WDR97: variants seen among roughly 807,000 people sequenced by gnomAD.
WDR97 encodes WD repeat domain 97.
WDR97 carries 111 observed loss-of-function variants against 65.4 expected under a neutral mutation model. The ratio of observed to expected loss-of-function variants is 1.70; its 90% CI spans 1.45 to 1.99. WDR97 has a LOEUF of 1.99. WDR97 is among the 30% of genes most tolerant of loss of function. The probability of loss-of-function intolerance (pLI) is 0.00; values close to 1 mark genes in which losing one functional copy is unlikely to be tolerated. For synonymous variants in WDR97, 802 were observed against 397.7 expected (o/e 2.02, Z -12.10); for missense variants, 1,674 against 865.0 (o/e 1.94, Z -11.73).
rs565024310 is a variant in WDR97 at position 144,108,634 on chromosome 8, G to C, written c.568G>C (p.Gly190Arg). 1.0e-3 allele frequency: 732 copies of C among 700,482 alleles called. No homozygotes were observed. Among genetic ancestry groups the C allele is most frequent in the Admixed American group, 3.3e-3 (165 of 49,968 alleles). The allele number at this position is 700,482 out of a possible 1,614,324, so 43.4% of individuals were successfully genotyped here. A position where few individuals can be genotyped will look rare whatever the true frequency, so the allele number is the denominator to read the frequency against. ...CAGCCTGCTGTGGCTGAGCGAGCAG[G>C]GGGTGGGCAGGGCCCCGGGTTGGGC... The part of the protein sequence containing the change: ...NLSLLWLSEQ[G>R]VGRAPGWAPT... Residue 190 changes from glycine (G) to arginine (R), a missense_variant, in exon 3 of 24, where the codon GGG becomes CGG. Coordinates refer to ENST00000323662, the MANE Select transcript of WDR97 (RefSeq NM_001316309.2).
Position 144,114,487 on chromosome 8 carries a change from G to A in WDR97, c.3792+12G>A. ...CCCCCAGCCTCCAGGTGTGCCCCTTGTCCTGCCCCCAGTTTTCCTCCCCGC... is the reference window on the plus strand; with the variant it reads ...CCCCCAGCCTCCAGGTGTGCCCCTTATCCTGCCCCCAGTTTTCCTCCCCGC... On this transcript the variant is annotated intron_variant, in intron 19 of 23. Coordinates refer to ENST00000323662, the MANE Select transcript of WDR97 (RefSeq NM_001316309.2). 1.4e-6 allele frequency: 1 copy of A among 701,884 alleles called. No individual in the cohort carries two copies. Among genetic ancestry groups the A allele is most frequent in the Non-Finnish European group, 2.6e-6 (1 of 384,348 alleles). The allele number at this position is 701,884 out of a possible 1,614,324, so 43.5% of individuals were successfully genotyped here.
At chr8:144,110,079 C>G in intron 5 of WDR97, 35 bp from the exon 6 acceptor site, 1 of 698,798 alleles carries the variant, frequency 1.4e-6, no homozygotes, top group Non-Finnish European at 2.6e-6. Flanking sequence ...GAAGGAGCGG[C>G]AGGGTCCGCG....
In WDR97 at chr8:144,112,529, A is replaced by C; in HGVS notation, c.3104A>C (p.Lys1035Thr). The change falls in exon 15 of 24, where the codon AAG becomes ACG. Residue 1035 changes from lysine (K) to threonine (T), a missense_variant and splice_region_variant. Coordinates refer to ENST00000323662, the MANE Select transcript of WDR97 (RefSeq NM_001316309.2). Reference protein sequence around the residue: ...GFFPATVQPHKHCLRPICFPG... With the variant: ...GFFPATVQPHTHCLRPICFPG... ...TTTCCTGCCACCGTGCAGCCCCACA[A>C]GGTGAGACCCCCTCCCAGCTCCTGG... The C allele has an allele frequency of 1.4e-6, 1 of 702,574 alleles. No individual in the cohort carries two copies. Among genetic ancestry groups the C allele is most frequent in the Non-Finnish European group, 2.6e-6 (1 of 384,892 alleles). 43.5% of individuals were successfully genotyped at this position (702,574 alleles called of 1,614,324 possible). A position where few individuals can be genotyped will look rare whatever the true frequency, so the allele number is the denominator to read the frequency against.
At chr8:144,113,225 C>T in intron 15 of WDR97, 1 of 581,798 alleles carries the variant, frequency 1.7e-6, no homozygotes, top group Non-Finnish European at 3.0e-6. Context: ...TTTGTCAGAG[C>T]TGATGCTCAC....
At position 144,114,830 on chromosome 8, in the gene WDR97, C is replaced by T. The variant is rs1310506773; in HGVS notation, c.3996C>T (p.Val1332=). 1.4e-6 allele frequency: 1 copy of T among 702,752 alleles called. No individual in the cohort carries two copies. The highest frequency in any genetic ancestry group is 1.5e-5 in the South Asian group (1 of 67,584). 43.5% of individuals were successfully genotyped at this position (702,752 alleles called of 1,614,324 possible). Residue 1332 remains valine, a synonymous_variant, in exon 21 of 24, where the codon GTC becomes GTT. Coordinates refer to ENST00000323662, the MANE Select transcript of WDR97 (RefSeq NM_001316309.2). ...TATTCAAGGAGATGATGACCTGGGT[C>T]CAGGGCCCAGACCTGGACTCCAAGG... is the stretch of plus-strand genomic sequence containing the variant. ...GFLFKEMMTW[V]QGPDLDSKAG... is the part of the protein sequence containing the mutation.
At position 144,116,300 on chromosome 8, in the gene WDR97, T is replaced by A. The variant is rs1020653581; in HGVS notation, c.*7T>A. The A allele has an allele frequency of 1.7e-6, 1 of 604,314 alleles. No homozygotes were observed. The highest frequency in any genetic ancestry group is 1.9e-5 in the African/African-American group (1 of 53,064). 37.4% of individuals were successfully genotyped at this position (604,314 alleles called of 1,614,324 possible). On this transcript the variant is annotated 3_prime_UTR_variant, in exon 24 of 24. Coordinates refer to ENST00000323662, the MANE Select transcript of WDR97 (RefSeq NM_001316309.2). ...CCCTGACACCTACAGCTGACCGGAC[T>A]GGTGGCCTCAGCCCGCCTGGCTCTG...
chr8:144,111,425 G>A lies in WDR97; in HGVS notation c.2427-1G>A, dbSNP rs1239048282. The A allele has an allele frequency of 1.4e-6, 1 of 702,680 alleles. No individual in the cohort carries two copies. The highest frequency in any genetic ancestry group is 2.6e-6 in the Non-Finnish European group (1 of 384,960). The allele number at this position is 702,680 out of a possible 1,614,324, so 43.5% of individuals were successfully genotyped here. ...CCACCTGTGCCTGTCCCTGTTTGCA[G>A]CGAGGCCTTGTCTCTCATCCATCGT... is the stretch of plus-strand genomic sequence containing the variant. On this transcript the variant is annotated splice_acceptor_variant, in intron 10 of 23. Transcript: ENST00000323662. LOFTEE classifies it high-confidence loss of function.
In WDR97 at chr8:144,115,784, G is replaced by A. The variant is rs1339810919; in HGVS notation, c.4521G>A (p.Ala1507=). Residue 1507 remains alanine, a synonymous_variant, in exon 22 of 24, where the codon GCG becomes GCA. Transcript: ENST00000323662. The part of the protein sequence containing the change: ...QQRSSLQEKA[A]HPHPPEPYTV... Reference sequence around the variant, plus strand: ...GGAGTTCGCTCCAGGAGAAGGCTGCGCACCCACACCCGCCAGAGCCCTACA... The same window carrying A: ...GGAGTTCGCTCCAGGAGAAGGCTGCACACCCACACCCGCCAGAGCCCTACA... 2 of 690,910 alleles carry A rather than the reference G, an allele frequency of 2.9e-6. No individual in the cohort carries two copies. Among genetic ancestry groups the A allele is most frequent in the Non-Finnish European group, 5.3e-6 (2 of 378,938 alleles). The allele number at this position is 690,910 out of a possible 1,614,324, so 42.8% of individuals were successfully genotyped here. A position where few individuals can be genotyped will look rare whatever the true frequency, so the allele number is the denominator to read the frequency against.
In WDR97 at chr8:144,111,703, C is replaced by G. The variant is rs1836552361; in HGVS notation, c.2559C>G (p.Ala853=). Residue 853 remains alanine, a synonymous_variant, in exon 12 of 24, where the codon GCC becomes GCG. Transcript: ENST00000323662. ...QLRLGLVVPA[A]QPPPSWQQRQ... The stretch of plus-strand genomic sequence containing the variant: ...GGCTGGGGCTAGTGGTCCCAGCAGC[C>G]CAGCCCCCACCCTCCTGGCAGCAGC... 1 of 698,706 alleles carries G rather than the reference C, an allele frequency of 1.4e-6. No homozygotes were observed. The highest frequency in any genetic ancestry group is 2.0e-5 in the Admixed American group (1 of 49,584). The allele number at this position is 698,706 out of a possible 1,614,324, so 43.3% of individuals were successfully genotyped here. A position where few individuals can be genotyped will look rare whatever the true frequency, so the allele number is the denominator to read the frequency against.
chr8:144,108,585 G>C lies in WDR97; in HGVS notation c.519G>C (p.Gly173=), dbSNP rs576359264. Residue 173 remains glycine (G), a synonymous_variant, in exon 3 of 24, where the codon GGG becomes GGC. Transcript: ENST00000323662. ...GTTTTGTAGGCTGGGGCCCCGCGGG[G>C]CTGGCAATTCTGAGGCCCAACCTCA... ...VGRFVGWGPA[G]LAILRPNLSL... The C allele has an allele frequency of 2.1e-4, 146 of 700,836 alleles. No individual in the cohort carries two copies. In the African/African-American group the frequency reaches 2.3e-3, roughly 11 times the overall value. 43.4% of individuals were successfully genotyped at this position (700,836 alleles called of 1,614,324 possible).
intron 1 of WDR97, 22 bp downstream of exon 1, chr8:144,107,884 C>T: frequency 1.4e-6 from 1 of 702,840 alleles, no homozygotes; most frequent in Non-Finnish European, 2.6e-6. Flanking sequence ...TGGCCTCGCC[C>T]TCCGGGCATC....
intron 1 of WDR97, 81 bp from the exon 2 acceptor site, chr8:144,107,978 C>A (rs977540732): frequency 2.9e-6 from 2 of 701,204 alleles, no homozygotes; most frequent in Non-Finnish European, 5.2e-6. Context: ...AGGGCAGGGC[C>A]CCTGGAGGAG....
rs550764956 is a variant in WDR97 at position 144,111,153 on chromosome 8, T to C, written c.2357T>C (p.Met786Thr). 2.1e-5 allele frequency: 15 copies of C among 702,826 alleles called. No individual in the cohort carries two copies. In the African/African-American group the frequency reaches 2.6e-4, roughly 12 times the overall value. The allele number at this position is 702,826 out of a possible 1,614,324, so 43.5% of individuals were successfully genotyped here. A position where few individuals can be genotyped will look rare whatever the true frequency, so the allele number is the denominator to read the frequency against. ...GTGGACGACCCTCCGCTGCCACTGA[T>C]GAGCCAGGAGTCACTGACTTCCGCC... ...DVVDDPPLPL[M>T]SQESLTSAQL... The change falls in exon 10 of 24, where the codon ATG becomes ACG. Residue 786 changes from methionine to threonine, a missense_variant. Coordinates refer to ENST00000323662, the MANE Select transcript of WDR97 (RefSeq NM_001316309.2).
rs1157178016 is a variant in WDR97, at chr8:144,108,088, C to T, written c.142C>T (p.Leu48=). ...ELTFTEPSQV[L]PFLTSSQQWQ... ...GACTTTCACGGAGCCGTCGCAGGTCCTGCCCTTTTTGACCAGCAGCCAACA... is the reference window on the plus strand; with the variant it reads ...GACTTTCACGGAGCCGTCGCAGGTCTTGCCCTTTTTGACCAGCAGCCAACA... Residue 48 remains leucine, a synonymous_variant, in exon 2 of 24, where the codon CTG becomes TTG. Transcript: ENST00000323662. 2.8e-6 allele frequency: 2 copies of T among 702,666 alleles called. No homozygotes were observed. Among genetic ancestry groups the T allele is most frequent in the African/African-American group, 3.5e-5 (2 of 57,282 alleles). 43.5% of individuals were successfully genotyped at this position (702,666 alleles called of 1,614,324 possible).
In WDR97 at chr8:144,116,652, A is replaced by G. The variant is rs1836674133; in HGVS notation, c.*359A>G. On this transcript the variant is annotated 3_prime_UTR_variant, in exon 24 of 24. Transcript: ENST00000323662. Reference sequence around the variant, plus strand: ...GACCTTAGAGAACGTGTCCTGGGCCAGCCCACAGCCTGGTGTGGAGGGGAG... The same window carrying G: ...GACCTTAGAGAACGTGTCCTGGGCCGGCCCACAGCCTGGTGTGGAGGGGAG... 5.2e-6 allele frequency: 1 copy of G among 190,880 alleles called. No homozygotes were observed. The highest frequency in any genetic ancestry group is 2.3e-5 in the African/African-American group (1 of 42,992). 11.8% of individuals were successfully genotyped at this position (190,880 alleles called of 1,614,324 possible). A position where few individuals can be genotyped will look rare whatever the true frequency, so the allele number is the denominator to read the frequency against.
intron 10 of WDR97, 28 bp downstream of exon 10, chr8:144,111,250 T>C: frequency 1.4e-6 from 1 of 702,654 alleles, no homozygotes; most frequent in Non-Finnish European, 2.6e-6. Context: ...TCAGCCCTCC[T>C]GGAGGCCCTC....
At position 144,115,514 on chromosome 8, in the gene WDR97, G is replaced by T; in HGVS notation, c.4251G>T (p.Gln1417His). The T allele has an allele frequency of 1.4e-6, 1 of 697,276 alleles. No individual in the cohort carries two copies. Among genetic ancestry groups the T allele is most frequent in the Non-Finnish European group, 2.6e-6 (1 of 381,844 alleles). 43.2% of individuals were successfully genotyped at this position (697,276 alleles called of 1,614,324 possible). The change falls in exon 22 of 24, where the codon CAG (glutamine) becomes CAT (histidine). Residue 1417 changes from glutamine to histidine, a missense_variant. Coordinates refer to ENST00000323662, the MANE Select transcript of WDR97 (RefSeq NM_001316309.2). ...AEPHSLAPEL[Q>H]AQRMLAPKRS... ...CGCACTCTTTAGCCCCGGAGCTCCA[G>T]GCCCAGCGGATGCTGGCACCCAAGC...
At chr8:144,110,311 C>A (rs1355478098) in intron 6 of WDR97, 30 bp from the exon 7 acceptor site, 4 of 702,258 alleles carry the variant, frequency 5.7e-6, no homozygotes, top group Non-Finnish European at 1.0e-5. Context: ...TCCCCTCCGA[C>A]AAGGCCCAGC....
chr8:144,109,793 G>T lies in WDR97; in HGVS notation c.1459G>T (p.Glu487Ter), dbSNP rs1250878822. Reference protein sequence around the residue: ...AAAVAYCLPREALWLLTRAGH... With the variant: ...AAAVAYCLPR ...AGCCGTGGCCTACTGCCTGCCGCGC[G>T]AGGCGCTGTGGCTGCTGACCAGGGC... Residue 487 changes from glutamate (E) to a stop codon, truncating the protein, a stop_gained, in exon 5 of 24, where the codon GAG (glutamate) becomes TAG (stop). Coordinates refer to ENST00000323662, the MANE Select transcript of WDR97 (RefSeq NM_001316309.2). LOFTEE classifies it high-confidence loss of function. 1 of 670,416 alleles carries T rather than the reference G, an allele frequency of 1.5e-6. No homozygotes were observed. Among genetic ancestry groups the T allele is most frequent in the South Asian group, 1.6e-5 (1 of 63,780 alleles). 41.5% of individuals were successfully genotyped at this position (670,416 alleles called of 1,614,324 possible).
Sources: gnomAD v4.1 joint callset for allele counts on GRCh38, gnomAD v4.1.1 for gene constraint, MANE v1.5 for transcripts, NCBI Gene and HGNC (gene_info 2026-07-23, HGNC 2026-07-21) for gene names.